Variants in ECD observed in about 807,000 individuals in gnomAD.
The protein encoded by ECD is protein ecdysoneless homolog.
ECD carries 59 observed loss-of-function variants against 77.2 expected under a neutral mutation model. The observed-to-expected ratio is 0.76, with a 90% confidence interval of 0.62 to 0.95. The LOEUF (loss-of-function observed/expected upper bound fraction) is 0.95. ECD is among the 40% of genes least tolerant of loss of function. ECD has a pLI of 0.00. For synonymous variants in ECD, 233 were observed against 267.4 expected, an observed-to-expected ratio of 0.87 and a Z score of 1.26; for missense variants, 704 against 763.4, an observed-to-expected ratio of 0.92 and a Z score of 0.92.
chr10:73,164,023 T>A, intron 1 of ECD, 73 bp from the exon 2 acceptor site: 1 of 1,317,604 alleles, frequency 7.6e-7, no homozygotes, highest in Non-Finnish European at 1.1e-6. Context: ...TTTAGATGGT[T>A]CTATGAACAC....
At chr10:73,138,343 C>A (rs955494826) in intron 11 of ECD, among the ~76,000 whole-genome samples, 1 of 152,248 alleles carries the variant, frequency 6.6e-6, no homozygotes. Context: ...CACTCTCTAG[C>A]CCCAATAAGA....
At chr10:73,143,017 G>A (rs1341762034) in intron 9 of ECD, among the ~76,000 whole-genome samples, 1 of 151,880 alleles carries the variant, frequency 6.6e-6, no homozygotes, top group Non-Finnish European at 1.5e-5. Context: ...AATGGCTTGC[G>A]GTCTTTCTCC....
At chr10:73,144,327 G>C (rs1401011687) in intron 9 of ECD, among the ~76,000 whole-genome samples, 5 of 152,128 alleles carry the variant, frequency 3.3e-5, no homozygotes, top group Non-Finnish European at 7.3e-5. Context: ...GAGAGACAGA[G>C]AGCAGAATAA....
intron 9 of ECD, among the ~76,000 whole-genome samples, chr10:73,145,807 G>C (rs1053711680): frequency 2.6e-5 from 4 of 151,902 alleles, no homozygotes; most frequent in Non-Finnish European, 5.9e-5. Context: ...ATCATGCCCA[G>C]CTAATTTTTG....
chr10:73,163,184 C>T (rs922329884), intron 2 of ECD, among the ~76,000 whole-genome samples: 1 of 152,120 alleles, frequency 6.6e-6, no homozygotes, highest in Non-Finnish European at 1.5e-5. Flanking sequence ...CCATATTTTG[C>T]CAGAGGTCAG....
At chr10:73,147,385 T>TA (rs1843144132) in intron 8 of ECD, among the ~76,000 whole-genome samples, 1 of 152,076 alleles carries the variant, frequency 6.6e-6, no homozygotes. Context: ...CCATTTCTAC[T>TA]AAAAATACAA....
At chr10:73,150,031 T>C (rs1040510105) in intron 7 of ECD, among the ~76,000 whole-genome samples, 2 of 152,112 alleles carry the variant, frequency 1.3e-5, no homozygotes, top group Middle Eastern at 6.8e-3. Context: ...TACTTTAAAG[T>C]TCATATAGAA....
In ECD at chr10:73,152,378, C is replaced by T; in HGVS notation, c.827G>A (p.Arg276Lys). 1 of 1,613,860 alleles carries T rather than the reference C, an allele frequency of 6.2e-7. No homozygotes were observed. Among genetic ancestry groups the T allele is most frequent in the South Asian group, 1.1e-5 (1 of 91,072 alleles). Residue 276 changes from arginine to lysine, a missense_variant, in exon 7 of 14, where the codon AGG becomes AAG. By Grantham distance (26) the Arg-to-Lys change is conservative. Around this residue, in one of 3 missense-constraint regions of ECD, gnomAD observed 559 missense variants for 583.7 expected, o/e 0.96. Transcript: ENST00000372979. ...TCCACTCCGCCGGTCTGGCACAAAC[C>T]TTTGTTGCACCAATTGTGCATATAG... ...KCLYAQLVQQRFVPDRRSGYR... is the reference protein window; with the variant it reads ...KCLYAQLVQQKFVPDRRSGYR...
Position 73,163,841 on chromosome 10 carries a change from CTTTA to C in ECD, c.93_96del (p.His31GlnfsTer11). ...CTCTCAATGTACTTCTGAAGAATCT[CTTTA>C]TGTTTATCTGAGTCCCTTGACTCAT... is the stretch of plus-strand genomic sequence containing the variant. On this transcript the variant is annotated frameshift_variant, in exon 2 of 14. Coordinates refer to ENST00000372979, the MANE Select transcript of ECD (RefSeq NM_007265.3). LOFTEE classifies it high-confidence loss of function. 3 of 1,614,092 alleles carry C rather than the reference CTTTA, an allele frequency of 1.9e-6. No individual in the cohort carries two copies. The highest frequency in any genetic ancestry group is 2.5e-6 in the Non-Finnish European group (3 of 1,180,008).
chr10:73,138,344 C>A (rs539399218), intron 11 of ECD, among the ~76,000 whole-genome samples: 2 of 152,226 alleles, frequency 1.3e-5, no homozygotes, highest in East Asian at 3.9e-4. Flanking sequence ...ACTCTCTAGC[C>A]CCAATAAGAT....
chr10:73,137,908 T>C, intron 12 of ECD, 95 bp downstream of exon 12: 1 of 885,456 alleles, frequency 1.1e-6, no homozygotes, highest in South Asian at 3.2e-5. Context: ...AAAGCAAACA[T>C]TTTGGCTTCT....
intron 7 of ECD, among the ~76,000 whole-genome samples, chr10:73,150,919 C>T (rs1461238745): frequency 1.3e-5 from 2 of 152,138 alleles, no homozygotes; most frequent in Non-Finnish European, 2.9e-5. Context: ...CACTTTTACA[C>T]TGTTGGTGGG....
chr10:73,162,109 G>T (rs1243709808), intron 2 of ECD, among the ~76,000 whole-genome samples: 1 of 152,174 alleles, frequency 6.6e-6, no homozygotes, highest in Non-Finnish European at 1.5e-5. Context: ...TGAAGCAATG[G>T]GAACTACTGA....
At chr10:73,144,366 TG>T (rs1261579744) in intron 9 of ECD, among the ~76,000 whole-genome samples, 3 of 152,084 alleles carry the variant, frequency 2.0e-5, no homozygotes, top group Admixed American at 2.0e-4. Flanking sequence ...GGCTCACACT[TG>T]TAATCCCAGA....
Position 73,136,672 on chromosome 10 carries a change from CAGAAAG to C in ECD, c.1704+26_1704+31del, listed in dbSNP as rs530104728. On this transcript the variant is annotated intron_variant, in intron 13 of 13. Transcript: ENST00000372979. ...TTTTAGCTATCTGACATACTAGACT[CAGAAAG>C]AGAAAGAGGTTAAAAACACACATAC... is the stretch of plus-strand genomic sequence containing the variant. 308 of 1,599,138 alleles carry C rather than the reference CAGAAAG, an allele frequency of 1.9e-4. 4 individuals carry two copies. In the South Asian group the frequency reaches 3.2e-3, roughly 16 times the overall value.
At position 73,134,314 on chromosome 10, in the gene ECD, T is replaced by C; in HGVS notation, c.*269A>G. ...ACTCCAAGGGTATATTGTGGTAGGG[T>C]ATGTCTTTAGCATGAAGTGTGTGAA... On this transcript the variant is annotated 3_prime_UTR_variant, in exon 14 of 14. Coordinates refer to ENST00000372979, the MANE Select transcript of ECD (RefSeq NM_007265.3). 2.6e-6 allele frequency: 1 copy of C among 389,772 alleles called. No individual in the cohort carries two copies. Among genetic ancestry groups the C allele is most frequent in the Non-Finnish European group, 4.7e-6 (1 of 215,052 alleles). The allele number at this position is 389,772 out of a possible 1,614,324, so 24.1% of individuals were successfully genotyped here. A position where few individuals can be genotyped will look rare whatever the true frequency, so the allele number is the denominator to read the frequency against.
rs185761691 is a variant in ECD at position 73,159,669 on chromosome 10, G to A, written c.323+765C>T. 6.8e-5 allele frequency among the ~76,000 whole-genome samples: 7 copies of A among 103,264 alleles called. 1 individual carries two copies. Among genetic ancestry groups the A allele is most frequent in the African/African-American group, 3.7e-4 (7 of 18,726 alleles). The allele number at this position is 103,264 out of a possible 152,430, so 67.7% of individuals were successfully genotyped here. ...TTTTTTTTTTTTTTTTTTTGAGACAGTTTCACTCTTGTTGCCCAGGCTGGA... is the reference window on the plus strand; with the variant it reads ...TTTTTTTTTTTTTTTTTTTGAGACAATTTCACTCTTGTTGCCCAGGCTGGA... On this transcript the variant is annotated intron_variant, in intron 3 of 13. Coordinates refer to ENST00000372979, the MANE Select transcript of ECD (RefSeq NM_007265.3).
intron 7 of ECD, among the ~76,000 whole-genome samples, chr10:73,150,156 G>T (rs1326303307): frequency 6.6e-6 from 1 of 152,140 alleles, no homozygotes; most frequent in Non-Finnish European, 1.5e-5. Flanking sequence ...AAACAGCAAG[G>T]TACTGGTACC....
chr10:73,152,858 T>C (rs1843232095), intron 6 of ECD, among the ~76,000 whole-genome samples: 1 of 151,294 alleles, frequency 6.6e-6, no homozygotes, highest in Non-Finnish European at 1.5e-5. Context: ...GAAGTTGCAG[T>C]GAGCTGAGAT....
Sources: gnomAD v4.1 joint callset for allele counts (sites outside exome capture counted in the v4.1 genomes callset) on GRCh38, gnomAD v4.1.1 for gene constraint, gnomAD v4.1.1 regional missense constraint, MANE v1.5 for transcripts, NCBI Gene and HGNC (gene_info 2026-07-23, HGNC 2026-07-21) for gene names.